ARHGEF7: variants seen among roughly 807,000 people sequenced by gnomAD.
The protein encoded by ARHGEF7 is PAK-interacting exchange factor beta.
ARHGEF7 carries 33 observed loss-of-function variants against 109.8 expected under a neutral mutation model. The observed-to-expected ratio is 0.30, with a 90% confidence interval of 0.23 to 0.40. The LOEUF (loss-of-function observed/expected upper bound fraction) is 0.40. Ranked by LOEUF, ARHGEF7 falls within the 10% of genes least tolerant of loss-of-function variation. The pLI is 1.00. For synonymous variants in ARHGEF7, 458 were observed against 424.6 expected (o/e 1.08, Z -0.97); for missense variants, 938 against 1,098.5 (o/e 0.85, Z 2.07).
At chr13:111,115,924 G>A (rs1439796706) in intron 1 of ARHGEF7, among the ~76,000 whole-genome samples, 25 of 151,558 alleles carry the variant, frequency 1.6e-4, no homozygotes, top group African/African-American at 2.7e-4. Flanking sequence ...GGCGGCGCGG[G>A]CGGCGGGGGT....
Position 111,181,962 on chromosome 13 carries a change from T to A in ARHGEF7, c.253-23327T>A, listed in dbSNP as rs115814019. On this transcript the variant is annotated intron_variant, in intron 2 of 21. Coordinates refer to ENST00000646102, the MANE Select transcript of ARHGEF7 (RefSeq NM_001354046.2). ...ACAAAGCGTTGTGGATTTGGTGAGC[T>A]GTCCTAAATGTGGAGTCAGGGGAAA... 271 of 152,424 alleles carry A rather than the reference T, an allele frequency of 1.8e-3. 1 individual carries two copies. Among genetic ancestry groups the A allele is most frequent in the African/African-American group, 6.4e-3 (266 of 41,574 alleles). The allele number at this position is 152,424 out of a possible 1,614,324, so 9.4% of individuals were successfully genotyped here.
chr13:111,156,433 T>C (rs2076342835), intron 2 of ARHGEF7, among the ~76,000 whole-genome samples: 1 of 152,272 alleles, frequency 6.6e-6, no homozygotes, highest in African/African-American at 2.4e-5. Flanking sequence ...GTTAGCATTC[T>C]TCAAGCTTAG....
At chr13:111,149,361 T>C (rs180923574) in intron 1 of ARHGEF7, among the ~76,000 whole-genome samples, 134 of 152,344 alleles carry the variant, frequency 8.8e-4, no homozygotes, top group African/African-American at 3.1e-3. Context: ...TGTGTACTCA[T>C]AATAGTTGTG....
chr13:111,255,462 G>T lies in ARHGEF7; in HGVS notation c.950+11168G>T, dbSNP rs1425657903. 1.3e-5 allele frequency among the ~76,000 whole-genome samples: 2 copies of T among 152,202 alleles called. No homozygotes were observed. Among genetic ancestry groups the T allele is most frequent in the Non-Finnish European group, 2.9e-5 (2 of 68,026 alleles). On this transcript the variant is annotated intron_variant, in intron 8 of 21. Coordinates refer to ENST00000646102, the MANE Select transcript of ARHGEF7 (RefSeq NM_001354046.2). This position sits in a 1 kb window ranked among gnomAD's most constrained non-coding sequence, Gnocchi z 4.1. ...CAGGGGTGCTGGTGTCACCCACCCA[G>T]AGTCTTGCGGAGGTAAAGTGGCCTG...
chr13:111,133,783 ATATATATATATATATATATATATATAT>A (rs2074926202), intron 1 of ARHGEF7, among the ~76,000 whole-genome samples: 1 of 75,394 alleles, frequency 1.3e-5, no homozygotes, highest in Non-Finnish European at 2.9e-5. Flanking sequence ...ATATATATAT[ATATATATATATATATATATATATATAT>A]ATATTTATTA....
chr13:111,269,420 A>G (rs1367357982), intron 9 of ARHGEF7, among the ~76,000 whole-genome samples: 85 of 152,346 alleles, frequency 5.6e-4, no homozygotes, highest in Non-Finnish European at 1.3e-4. Flanking sequence ...GAAGCCATTC[A>G]AGAGCAGTGC....
intron 1 of ARHGEF7, among the ~76,000 whole-genome samples, chr13:111,128,665 A>G (rs2067742117): frequency 6.6e-6 from 1 of 152,212 alleles, no homozygotes; most frequent in Admixed American, 6.5e-5. Flanking sequence ...GAAAAGACAA[A>G]TGCTTAGGAA....
intron 4 of ARHGEF7, among the ~76,000 whole-genome samples, chr13:111,217,356 A>G (rs1247145318): frequency 8.5e-5 from 13 of 152,244 alleles, no homozygotes; most frequent in Admixed American, 8.5e-4. Flanking sequence ...GTACTGCCAG[A>G]TAAATGACAT....
rs1384459061 is a variant in ARHGEF7, at chr13:111,292,210, C to T, written c.2227C>T (p.Arg743Cys). The T allele has an allele frequency of 3.7e-6, 6 of 1,614,188 alleles. No homozygotes were observed. The highest frequency in any genetic ancestry group is 1.7e-5 in the Admixed American group (1 of 60,028). ...DSLGRRSSLS[R>C]LEPSDLSEDS... Reference sequence around the variant, plus strand: ...CCTGGGGCGTCGCAGTAGCCTTTCTCGTTTGGAGCCTTCAGACCTCTCGGA... The same window carrying T: ...CCTGGGGCGTCGCAGTAGCCTTTCTTGTTTGGAGCCTTCAGACCTCTCGGA... Residue 743 changes from arginine to cysteine, a missense_variant, in exon 19 of 22, where the codon CGT (arginine) becomes TGT (cysteine). This residue lies in a region of ARHGEF7 where 166 missense variants were observed against 167.3 expected (regional missense o/e 0.99). Coordinates refer to ENST00000646102, the MANE Select transcript of ARHGEF7 (RefSeq NM_001354046.2).
intron 1 of ARHGEF7, among the ~76,000 whole-genome samples, chr13:111,118,247 G>C (rs1353093894): frequency 1.3e-5 from 2 of 152,230 alleles, no homozygotes; most frequent in Non-Finnish European, 2.9e-5. Flanking sequence ...CATTTGTTCT[G>C]TTTCAGAGTT....
chr13:111,215,442 T>A (rs1395532388), intron 4 of ARHGEF7, among the ~76,000 whole-genome samples: 1 of 151,860 alleles, frequency 6.6e-6, no homozygotes, highest in Non-Finnish European at 1.5e-5. Context: ...GGGCTGGTGC[T>A]GTTTTCCTCC....
At chr13:111,156,315 G>C (rs2076329064) in intron 2 of ARHGEF7, among the ~76,000 whole-genome samples, 1 of 152,162 alleles carries the variant, frequency 6.6e-6, no homozygotes, top group African/African-American at 2.4e-5. Context: ...GAGGTTGTAA[G>C]TGATAGCAAG....
At chr13:111,152,395 A>G (rs1157621252) in intron 1 of ARHGEF7, among the ~76,000 whole-genome samples, 1 of 152,260 alleles carries the variant, frequency 6.6e-6, no homozygotes, top group Non-Finnish European at 1.5e-5. Flanking sequence ...ATTTTTGAAA[A>G]TTATTTTAAA....
chr13:111,301,494 G>C lies in ARHGEF7; in HGVS notation c.2428G>C (p.Val810Leu), dbSNP rs750162301. The C allele has an allele frequency of 1.9e-6, 3 of 1,612,814 alleles. No homozygotes were observed. Among genetic ancestry groups the C allele is most frequent in the Non-Finnish European group, 8.5e-7 (1 of 1,178,970 alleles). Residue 810 changes from valine (V) to leucine (L), a missense_variant, in exon 21 of 22, where the codon GTA becomes CTA. Around this residue, in one of 4 missense-constraint regions of ARHGEF7, gnomAD observed 166 missense variants for 167.3 expected, o/e 0.99. Coordinates refer to ENST00000646102, the MANE Select transcript of ARHGEF7 (RefSeq NM_001354046.2). Reference protein sequence around the residue: ...VIEEKSLVDTVYALKDEVQEL... With the variant: ...VIEEKSLVDTLYALKDEVQEL... ...CTGTTTCAGGAGTCTTGTGGATACC[G>C]TATATGCATTAAAGGATGAAGTTCA...
chr13:111,254,281 T>A (rs750830440), intron 8 of ARHGEF7, among the ~76,000 whole-genome samples: 9 of 152,272 alleles, frequency 5.9e-5, no homozygotes, highest in Middle Eastern at 3.2e-3. Context: ...CTGCAATGTT[T>A]GTAATTTTCA....
intron 5 of ARHGEF7, among the ~76,000 whole-genome samples, chr13:111,221,932 C>T (rs1452002531): frequency 6.6e-6 from 1 of 152,066 alleles, no homozygotes; most frequent in Non-Finnish European, 1.5e-5. Context: ...AAATTGGAGG[C>T]TGATGTTTGA....
At chr13:111,130,788 C>T (rs2074703795) in intron 1 of ARHGEF7, among the ~76,000 whole-genome samples, 1 of 152,296 alleles carries the variant, frequency 6.6e-6, no homozygotes, top group Admixed American at 6.5e-5. Context: ...GCCCCAGTGG[C>T]GGTTTGGGGA....
At chr13:111,184,122 T>G (rs2079019750) in intron 2 of ARHGEF7, among the ~76,000 whole-genome samples, 1 of 152,270 alleles carries the variant, frequency 6.6e-6, no homozygotes, top group East Asian at 1.9e-4. Context: ...TGATCGTGAA[T>G]TAGTTCTCAC....
At chr13:111,127,813 T>G (rs1293379116) in intron 1 of ARHGEF7, among the ~76,000 whole-genome samples, 1 of 152,126 alleles carries the variant, frequency 6.6e-6, no homozygotes, top group Non-Finnish European at 1.5e-5. Flanking sequence ...TGAACATAGA[T>G]GTAAACCTTC....
Sources: gnomAD v4.1 joint callset for allele counts (sites outside exome capture counted in the v4.1 genomes callset) on GRCh38, gnomAD v4.1.1 for gene constraint, gnomAD v4.1.1 regional missense constraint, Gnocchi (gnomAD v3.1) non-coding constraint, MANE v1.5 for transcripts, NCBI Gene and HGNC (gene_info 2026-07-23, HGNC 2026-07-21) for gene names.